The following FMO5 variants were observed in gnomAD, a reference collection of about 807,000 sequenced individuals.
FMO5 encodes the protein flavin-containing monooxygenase 5.
A neutral mutation model predicts 43.6 loss-of-function variants in FMO5; 51 were observed. The ratio of observed to expected loss-of-function variants is 1.17; its 90% CI spans 0.93 to 1.48. FMO5 has a LOEUF of 1.48. Ranked by LOEUF, FMO5 falls within the 40% of genes most tolerant of loss-of-function variation. The pLI, the probability that FMO5 is intolerant of heterozygous loss-of-function variation, is 0.00. For missense variants in FMO5, 644 were observed against 643.0 expected (o/e 1.00, Z -0.02); for synonymous variants, 187 against 216.5 (o/e 0.86, Z 1.20).
chr1:147,208,949 A>C lies in FMO5; in HGVS notation c.733T>G (p.Trp245Gly). Residue 245 changes from tryptophan (W) to glycine (G), a missense_variant, in exon 6 of 9, where the codon TGG becomes GGG. Coordinates refer to ENST00000254090, the MANE Select transcript of FMO5 (RefSeq NM_001461.4). ...GCTAATGATTGGCCACAGATCTTCC[A>C]TATAAAATGTGTAAGTCGAGAAGAG... ...LFSSRLTHFI[W>G]KICGQSLANK... is the part of the protein sequence containing the mutation. 6.2e-7 allele frequency: 1 copy of C among 1,614,116 alleles called. No homozygotes were observed. Among genetic ancestry groups the C allele is most frequent in the Non-Finnish European group, 8.5e-7 (1 of 1,179,946 alleles).
rs587706645 is a variant in FMO5 at position 147,214,696 on chromosome 1, A to G, written c.324+1058T>C. 7 of 152,140 alleles carry G rather than the reference A, an allele frequency of 4.6e-5. No homozygotes were observed. In the East Asian group the frequency reaches 1.2e-3, roughly 25 times the overall value. The allele number at this position is 152,140 out of a possible 1,614,324, so 9.4% of individuals were successfully genotyped here. A position where few individuals can be genotyped will look rare whatever the true frequency, so the allele number is the denominator to read the frequency against. ...TATTTCATGTCCTGATGGGTTCAAC[A>G]TCTTTCCTCCGAGCTGCAACGTATA... is the stretch of plus-strand genomic sequence containing the variant. On this transcript the variant is annotated intron_variant, in intron 3 of 8. Coordinates refer to ENST00000254090, the MANE Select transcript of FMO5 (RefSeq NM_001461.4).
In FMO5 at chr1:147,201,252, CAGG is replaced by C. The variant is rs782301101; in HGVS notation, c.1080_1082del (p.Asn360_Leu361delinsLys). Reference sequence around the variant, plus strand: ...CTATGATTGCAAGAGTTGGCCTTTCCAGGTTAGGAGGGAAGACCTTTTTATACA... The same window carrying C: ...CTATGATTGCAAGAGTTGGCCTTTCCTTAGGAGGGAAGACCTTTTTATACA... On this transcript the variant is annotated inframe_deletion, in exon 7 of 9. Transcript: ENST00000254090. 5 of 1,614,136 alleles carry C rather than the reference CAGG, an allele frequency of 3.1e-6. No homozygotes were observed. The East Asian group carries it at 1.1e-4, about 36-fold the overall frequency.
chr1:147,214,155 T>C (rs1344815710), intron 3 of FMO5, among the ~76,000 whole-genome samples: 1 of 152,124 alleles, frequency 6.6e-6, no homozygotes, highest in Non-Finnish European at 1.5e-5. Flanking sequence ...CATGGACTAA[T>C]AGAGACACCA....
chr1:147,196,273 A>G (rs1657977831), intron 7 of FMO5, among the ~76,000 whole-genome samples: 1 of 152,136 alleles, frequency 6.6e-6, no homozygotes, highest in South Asian at 2.1e-4. Context: ...CATTTTAGCC[A>G]TGGGAATTAT....
rs782495484 is a variant in FMO5 at position 147,187,251 on chromosome 1, G to C, written c.1257-6C>G. The C allele has an allele frequency of 1.3e-6, 2 of 1,574,376 alleles. No individual in the cohort carries two copies. Among genetic ancestry groups the C allele is most frequent in the Non-Finnish European group, 1.7e-6 (2 of 1,160,934 alleles). ...GGCGTTGGCTCTCCACATACCTAAA[G>C]TAGAAAAGACAGAAACCATGGCCTG... On this transcript the variant is annotated splice_region_variant and splice_polypyrimidine_tract_variant and intron_variant, in intron 8 of 8. Transcript: ENST00000254090.
chr1:147,203,203 G>A, intron 6 of FMO5: 6 of 794,966 alleles, frequency 7.5e-6, no homozygotes, highest in South Asian at 3.8e-5. Flanking sequence ...AGGAGAATAA[G>A]AAAACATCAC....
At chr1:147,206,528 G>A (rs1398142166) in intron 6 of FMO5, among the ~76,000 whole-genome samples, 1 of 152,154 alleles carries the variant, frequency 6.6e-6, no homozygotes, top group Admixed American at 6.5e-5. Context: ...GTCCAACAAT[G>A]ATAGACTGGA....
At chr1:147,191,542 T>G (rs375592130) in intron 7 of FMO5, among the ~76,000 whole-genome samples, 1 of 151,462 alleles carries the variant, frequency 6.6e-6, no homozygotes, top group Admixed American at 6.6e-5. Flanking sequence ...TTTGTTTTTT[T>G]CTTATAAACT....
chr1:147,215,214 A>T (rs1431782595), intron 3 of FMO5: 8 of 152,256 alleles, frequency 5.3e-5, no homozygotes, highest in African/African-American at 1.4e-4. Context: ...CTTGTCTAAC[A>T]TCTAAGTTAG....
Position 147,190,743 on chromosome 1 carries a change from T to C in FMO5, c.1184-494A>G, listed in dbSNP as rs139373201. On this transcript the variant is annotated intron_variant, in intron 7 of 8. Transcript: ENST00000254090. ...ACATGTGCACAATGTGCAGGTTTGT[T>C]ACATACGTATACATGTGCCATGCTG... Among the ~76,000 whole-genome samples the C allele has an allele frequency of 5.8e-3, 879 of 152,218 alleles. 10 individuals are homozygous for C. Among genetic ancestry groups the C allele is most frequent in the African/African-American group, 0.019 (785 of 41,498 alleles).
downstream of FMO5, chr1:147,184,362 C>T: frequency 1.0e-6 from 1 of 990,084 alleles, no homozygotes; most frequent in African/African-American, 1.7e-5. The surrounding 1 kb of genome is among the most constrained non-coding windows in gnomAD (Gnocchi z 4.4). Flanking sequence ...GTACATTTGT[C>T]ACAACTAATA....
intron 2 of FMO5, among the ~76,000 whole-genome samples, chr1:147,216,355 A>C (rs587666165): frequency 1.2e-4 from 18 of 152,324 alleles, no homozygotes; most frequent in Admixed American, 1.2e-3. Flanking sequence ...AATTCTACCT[A>C]TTCTATTCTA....
chr1:147,201,168 G>A lies in FMO5; in HGVS notation c.1167C>T (p.Ala389=), dbSNP rs184553732. 6.2e-7 allele frequency: 1 copy of A among 1,611,718 alleles called. No individual in the cohort carries two copies. The highest frequency in any genetic ancestry group is 1.3e-5 in the African/African-American group (1 of 74,874). Residue 389 remains alanine (A), a synonymous_variant, in exon 7 of 9, where the codon GCC becomes GCT. Coordinates refer to ENST00000254090, the MANE Select transcript of FMO5 (RefSeq NM_001461.4). ...MPISELQGRW[A]TQVFKGLKTL... Reference sequence around the variant, plus strand: ...GTCACTTACCTTTAAATACCTGAGTGGCCCAGCGTCCTTGGAGCTCTGAAA... The same window carrying A: ...GTCACTTACCTTTAAATACCTGAGTAGCCCAGCGTCCTTGGAGCTCTGAAA...
chr1:147,224,286 A>T (rs1663606008), intron 2 of FMO5: 1 of 187,992 alleles, frequency 5.3e-6, no homozygotes, highest in African/African-American at 2.4e-5. Flanking sequence ...TGGGTCCTAA[A>T]TCTGTGGGTT....
intron 2 of FMO5, among the ~76,000 whole-genome samples, chr1:147,219,274 T>C (rs1243713109): frequency 6.6e-6 from 1 of 152,216 alleles, no homozygotes; most frequent in African/African-American, 2.4e-5. Flanking sequence ...ATAATTATAC[T>C]TGTATAATCG....
At chr1:147,214,994 G>T (rs1211069432) in intron 3 of FMO5, 4 of 152,072 alleles carry the variant, frequency 2.6e-5, no homozygotes, top group Non-Finnish European at 4.4e-5. Flanking sequence ...AAAAAGGCAT[G>T]ACTTAGCAGG....
chr1:147,192,024 A>G (rs9726091), intron 7 of FMO5, among the ~76,000 whole-genome samples: 5,580 of 151,930 alleles, frequency 0.037, 149 homozygotes, highest in South Asian at 0.095. Context: ...GAACTTTAAA[A>G]TAGTTTTTTC....
In FMO5 at chr1:147,216,063, C is replaced by T. The variant is rs141732277; in HGVS notation, c.136-121G>A. On this transcript the variant is annotated intron_variant, in intron 2 of 8. Coordinates refer to ENST00000254090, the MANE Select transcript of FMO5 (RefSeq NM_001461.4). ...TCAATTAAATCACACACACACCTTC[C>T]AGTATTTGTGCCCTTATGTAGTCCC... is the stretch of plus-strand genomic sequence containing the variant. 9.6e-5 allele frequency: 64 copies of T among 669,672 alleles called. No individual in the cohort carries two copies. The African/African-American group carries it at 1.0e-3, about 11-fold the overall frequency. The allele number at this position is 669,672 out of a possible 1,614,324, so 41.5% of individuals were successfully genotyped here.
At chr1:147,200,087 G>A (rs1190053272) in intron 7 of FMO5, among the ~76,000 whole-genome samples, 1 of 152,098 alleles carries the variant, frequency 6.6e-6, no homozygotes, top group Non-Finnish European at 1.5e-5. Context: ...TCAGTCATTT[G>A]GCATCCTTTT....
Sources: allele counts gnomAD v4.1 joint callset (sites outside exome capture counted in the v4.1 genomes callset), GRCh38; gene constraint gnomAD v4.1.1; non-coding constraint Gnocchi (gnomAD v3.1); transcripts MANE v1.5; gene names NCBI Gene and HGNC (gene_info 2026-07-23, HGNC 2026-07-21).